PLCXD3: variants seen among roughly 807,000 people sequenced by gnomAD.
PLCXD3 encodes the protein PI-PLC X domain-containing protein 3.
Under a neutral mutation model 25.5 loss-of-function variants are expected in PLCXD3, and 19 were observed. The observed-to-expected ratio is 0.75, with a 90% CI of 0.52 to 1.09. PLCXD3 has a LOEUF of 1.09. Ranked by LOEUF, PLCXD3 falls within the 50% of genes least tolerant of loss-of-function variation. The probability of loss-of-function intolerance (pLI) is 0.00; values close to 1 mark genes in which losing one functional copy is unlikely to be tolerated. For synonymous variants in PLCXD3, 174 were observed against 137.6 expected, an observed-to-expected ratio of 1.26 and a Z score of -1.85; for missense variants, 411 against 388.1, an observed-to-expected ratio of 1.06 and a Z score of -0.50.
chr5:41,314,337 GTCA>G (rs1436796187), intron 2 of PLCXD3, among the ~76,000 whole-genome samples: 1 of 152,224 alleles, frequency 6.6e-6, no homozygotes, highest in Non-Finnish European at 1.5e-5. Flanking sequence ...TTAAGTTCCA[GTCA>G]TCAGTGTAGG....
At chr5:41,403,131 C>T (rs974289872) in intron 1 of PLCXD3, among the ~76,000 whole-genome samples, 1 of 151,930 alleles carries the variant, frequency 6.6e-6, no homozygotes, top group African/African-American at 2.4e-5. Context: ...CTTATGCCAA[C>T]CTTCGGCCTA....
Position 41,358,044 on chromosome 5 carries a change from A to T in PLCXD3, c.812+23782T>A, listed in dbSNP as rs568089358. On this transcript the variant is annotated intron_variant, in intron 2 of 2. Coordinates refer to ENST00000377801, the MANE Select transcript of PLCXD3 (RefSeq NM_001005473.3). ...TAGCAGAGCACCATTGAATATCCTT[A>T]CAAAAATATATTGTTAATGAAAGCT... 1.4e-4 allele frequency among the ~76,000 whole-genome samples: 22 copies of T among 152,368 alleles called. No individual in the cohort carries two copies. In the South Asian group the frequency reaches 4.6e-3, roughly 32 times the overall value.
Position 41,381,974 on chromosome 5 carries a change from G to A in PLCXD3, c.664C>T (p.Pro222Ser), listed in dbSNP as rs1411740471. The A allele has an allele frequency of 1.2e-6, 2 of 1,613,386 alleles. No individual in the cohort carries two copies. The highest frequency in any genetic ancestry group is 1.3e-5 in the African/African-American group (1 of 74,962). The change falls in exon 2 of 3, where the codon CCC becomes TCC. Residue 222 changes from proline (P) to serine (S), a missense_variant. By Grantham distance (74) the Pro-to-Ser change is moderately conservative. Transcript: ENST00000377801. Reference sequence around the variant, plus strand: ...TGAAGAAACTGGATCAGTTTCTCGGGGTCTGTGGTGTTGGCCCAGGGTGCT... The same window carrying A: ...TGAAGAAACTGGATCAGTTTCTCGGAGTCTGTGGTGTTGGCCCAGGGTGCT... The part of the protein sequence containing the change: ...MPAPWANTTD[P>S]EKLIQFLQAS...
In PLCXD3 at chr5:41,310,403, TTTG is replaced by T. The variant is rs1295201619; in HGVS notation, c.*3211_*3213del. 4 of 152,150 alleles carry T rather than the reference TTTG, an allele frequency of 2.6e-5. No homozygotes were observed. Among genetic ancestry groups the T allele is most frequent in the Non-Finnish European group, 5.9e-5 (4 of 68,014 alleles). The allele number at this position is 152,150 out of a possible 1,614,324, so 9.4% of individuals were successfully genotyped here. On this transcript the variant is annotated 3_prime_UTR_variant, in exon 3 of 3. Coordinates refer to ENST00000377801, the MANE Select transcript of PLCXD3 (RefSeq NM_001005473.3). The stretch of plus-strand genomic sequence containing the variant: ...TATTTGTTTGGTTGTTTTGTTTTGT[TTTG>T]TTTTTTTGCCTCACAGGACTTGTGA...
intron 2 of PLCXD3, among the ~76,000 whole-genome samples, chr5:41,315,406 G>A (rs552953472): frequency 8.4e-4 from 127 of 150,884 alleles, no homozygotes; most frequent in African/African-American, 3.0e-3. Flanking sequence ...TTTGAAAGAT[G>A]TTAAAGAGAA....
chr5:41,441,407 G>A (rs979957893), intron 1 of PLCXD3, among the ~76,000 whole-genome samples: 5 of 152,128 alleles, frequency 3.3e-5, no homozygotes, highest in African/African-American at 9.7e-5. Context: ...TTGGGAATAC[G>A]TTCGTTCTGC....
At chr5:41,461,797 C>G (rs1380179855) in intron 1 of PLCXD3, among the ~76,000 whole-genome samples, 2 of 151,972 alleles carry the variant, frequency 1.3e-5, no homozygotes, top group African/African-American at 4.8e-5. Flanking sequence ...CAATCAGACT[C>G]TGCGTTGACA....
intron 1 of PLCXD3, among the ~76,000 whole-genome samples, chr5:41,423,107 T>C (rs1423399324): frequency 6.6e-6 from 1 of 152,162 alleles, no homozygotes; most frequent in Non-Finnish European, 1.5e-5. Flanking sequence ...GTTAATATGG[T>C]AACATTAATA....
intron 2 of PLCXD3, among the ~76,000 whole-genome samples, chr5:41,329,932 T>C (rs1321462142): frequency 6.6e-6 from 1 of 151,742 alleles, no homozygotes; most frequent in African/African-American, 2.4e-5. Flanking sequence ...TTTGTGTATA[T>C]ATAATACCTT....
chr5:41,488,713 T>A (rs1340689216), intron 1 of PLCXD3, among the ~76,000 whole-genome samples: 1 of 147,344 alleles, frequency 6.8e-6, no homozygotes, highest in Non-Finnish European at 1.5e-5. Flanking sequence ...GGTTTTTGGC[T>A]GCATAAATGT....
chr5:41,347,479 G>T (rs930733693), intron 2 of PLCXD3, among the ~76,000 whole-genome samples: 5 of 152,126 alleles, frequency 3.3e-5, no homozygotes, highest in African/African-American at 1.2e-4. Context: ...ACACCTTATA[G>T]ACACCATTCT....
intron 1 of PLCXD3, among the ~76,000 whole-genome samples, chr5:41,420,083 T>C (rs1746785070): frequency 6.6e-6 from 1 of 152,174 alleles, no homozygotes; most frequent in Non-Finnish European, 1.5e-5. Context: ...GCTTCCAACC[T>C]TTTCAAAAAG....
intron 1 of PLCXD3, among the ~76,000 whole-genome samples, chr5:41,465,686 C>A (rs1283242268): frequency 6.6e-6 from 1 of 151,894 alleles, no homozygotes; most frequent in Non-Finnish European, 1.5e-5. Context: ...TAAGATGATG[C>A]TCTAAGCAGG....
chr5:41,443,441 T>C (rs947198086), intron 1 of PLCXD3, among the ~76,000 whole-genome samples: 4 of 152,100 alleles, frequency 2.6e-5, no homozygotes, highest in Non-Finnish European at 5.9e-5. Flanking sequence ...TCTCAGAACA[T>C]CTCCTCATCG....
intron 2 of PLCXD3, among the ~76,000 whole-genome samples, chr5:41,361,617 G>T (rs1744782182): frequency 6.6e-6 from 1 of 152,130 alleles, no homozygotes; most frequent in Admixed American, 6.5e-5. Flanking sequence ...GTGCCAAATG[G>T]AATGAACAAT....
At chr5:41,344,012 G>A (rs1744235970) in intron 2 of PLCXD3, among the ~76,000 whole-genome samples, 2 of 151,886 alleles carry the variant, frequency 1.3e-5, no homozygotes, top group Non-Finnish European at 2.9e-5. Flanking sequence ...CTTTTAAATG[G>A]CATCTATGAT....
intron 1 of PLCXD3, among the ~76,000 whole-genome samples, chr5:41,437,441 G>T (rs1747280250): frequency 1.3e-5 from 2 of 152,220 alleles, no homozygotes; most frequent in Non-Finnish European, 2.9e-5. Flanking sequence ...CTGTGATAGT[G>T]ACTTGTGATT....
intron 1 of PLCXD3, among the ~76,000 whole-genome samples, chr5:41,453,289 G>C (rs573907970): frequency 1.4e-4 from 21 of 151,476 alleles, no homozygotes; most frequent in African/African-American, 5.1e-4. Context: ...ATGCCAAAGA[G>C]ATGATTCCAA....
chr5:41,431,663 TTTTA>T (rs1302814969), intron 1 of PLCXD3, among the ~76,000 whole-genome samples: 1 of 152,186 alleles, frequency 6.6e-6, no homozygotes, highest in Non-Finnish European at 1.5e-5. Flanking sequence ...CAATTATCTG[TTTTA>T]TTTGATTGTT....
Sources: allele counts gnomAD v4.1 joint callset (sites outside exome capture counted in the v4.1 genomes callset), GRCh38; gene constraint gnomAD v4.1.1; transcripts MANE v1.5; gene names NCBI Gene and HGNC (gene_info 2026-07-23, HGNC 2026-07-21).